Variants in AP3B1 observed in about 807,000 individuals in gnomAD.
AP3B1 encodes the protein adaptor related protein complex 3 subunit beta 1.
In AP3B1, 61 loss-of-function variants were observed where a neutral mutation model predicts 132.5. The observed-to-expected ratio is 0.46, with a 90% CI of 0.37 to 0.57. The LOEUF (loss-of-function observed/expected upper bound fraction) is 0.57, where lower values mean the gene tolerates loss of function less well. Ranked by LOEUF, AP3B1 falls within the 20% of genes least tolerant of loss-of-function variation. AP3B1 has a pLI of 0.00. For missense variants in AP3B1, 1,120 were observed against 1,289.4 expected (o/e 0.87, Z 2.01); for synonymous variants, 388 against 438.3 (o/e 0.89, Z 1.43).
At chr5:78,116,860 T>C (rs1216777236) in intron 17 of AP3B1, among the ~76,000 whole-genome samples, 3 of 152,022 alleles carry the variant, frequency 2.0e-5, no homozygotes, top group Admixed American at 6.6e-5. Context: ...AAACACAGCA[T>C]CTAGAATGAT....
intron 6 of AP3B1, among the ~76,000 whole-genome samples, chr5:78,220,889 A>T (rs891450881): frequency 3.3e-5 from 5 of 152,064 alleles, no homozygotes; most frequent in African/African-American, 9.6e-5. Flanking sequence ...TTTACAAAAA[A>T]TTTTTTTTAA....
At chr5:78,022,055 TAAAA>T (rs1561358125) in intron 24 of AP3B1, among the ~76,000 whole-genome samples, 1 of 152,106 alleles carries the variant, frequency 6.6e-6, no homozygotes, top group African/African-American at 2.4e-5. Context: ...TGACATAATA[TAAAA>T]AAAGAACATA....
chr5:78,107,148 G>A (rs1751374450), intron 20 of AP3B1, among the ~76,000 whole-genome samples: 1 of 152,170 alleles, frequency 6.6e-6, no homozygotes, highest in Admixed American at 6.5e-5. Context: ...TTGGGTGTCA[G>A]AGGCGTGTAA....
chr5:78,191,366 A>ACCC (rs925577324), intron 7 of AP3B1, among the ~76,000 whole-genome samples: 50 of 151,012 alleles, frequency 3.3e-4, no homozygotes, highest in Middle Eastern at 3.4e-3. Flanking sequence ...AAAAAAAAAA[A>ACCC]AAAAAAAAAA....
At chr5:78,092,661 A>C (rs1750577950) in intron 21 of AP3B1, among the ~76,000 whole-genome samples, 1 of 152,164 alleles carries the variant, frequency 6.6e-6, no homozygotes, top group Admixed American at 6.5e-5. Flanking sequence ...AATTTTATTT[A>C]CTTATTTTTG....
At chr5:78,232,246 G>A (rs985309964) in intron 3 of AP3B1, among the ~76,000 whole-genome samples, 4 of 152,178 alleles carry the variant, frequency 2.6e-5, no homozygotes, top group Non-Finnish European at 1.5e-5. Flanking sequence ...ATTCCTCGGA[G>A]AGACAGGTTT....
At chr5:78,124,832 C>T (rs1363235) in intron 17 of AP3B1, among the ~76,000 whole-genome samples, 1 of 151,930 alleles carries the variant, frequency 6.6e-6, no homozygotes, top group Non-Finnish European at 1.5e-5. Context: ...TCTGATAAAA[C>T]GTTTGTTGGA....
intron 13 of AP3B1, among the ~76,000 whole-genome samples, chr5:78,160,042 G>A (rs1743324425): frequency 1.3e-5 from 2 of 152,270 alleles, no homozygotes; most frequent in South Asian, 4.1e-4. Context: ...TACATAGGTG[G>A]TATAGTCCTA....
intron 3 of AP3B1, among the ~76,000 whole-genome samples, chr5:78,230,405 T>C (rs1432835717): frequency 7.4e-6 from 1 of 134,776 alleles, no homozygotes; most frequent in African/African-American, 2.7e-5. Context: ...CATTTTAAGT[T>C]GATATCAATC....
At chr5:78,011,441 T>C (rs771886362) in intron 26 of AP3B1, among the ~76,000 whole-genome samples, 8 of 152,222 alleles carry the variant, frequency 5.3e-5, no homozygotes, top group Admixed American at 2.0e-4. Flanking sequence ...CTCTCAATAG[T>C]ATACTGTTTG....
intron 21 of AP3B1, among the ~76,000 whole-genome samples, chr5:78,096,598 A>G (rs1311936742): frequency 1.5e-5 from 2 of 136,524 alleles, no homozygotes; most frequent in Non-Finnish European, 3.1e-5. Context: ...ATCGTCTGAG[A>G]TGTGGGGAGC....
intron 1 of AP3B1, among the ~76,000 whole-genome samples, chr5:78,292,458 A>T (rs1749565476): frequency 6.6e-6 from 1 of 152,190 alleles, no homozygotes. Context: ...TCAAGTAGTA[A>T]GTAGCACATC....
At chr5:78,027,465 G>T (rs1315179033) in intron 24 of AP3B1, among the ~76,000 whole-genome samples, 1 of 151,770 alleles carries the variant, frequency 6.6e-6, no homozygotes, top group Admixed American at 6.6e-5. Flanking sequence ...TGGCTTTAAG[G>T]AATATTTTTA....
At chr5:78,192,695 T>G (rs920861567) in intron 7 of AP3B1, among the ~76,000 whole-genome samples, 1 of 152,186 alleles carries the variant, frequency 6.6e-6, no homozygotes, top group Middle Eastern at 3.4e-3. Flanking sequence ...GGTATTAGGA[T>G]AGGAGATGGG....
At chr5:78,270,092 A>G (rs534287548) in intron 1 of AP3B1, among the ~76,000 whole-genome samples, 29 of 152,120 alleles carry the variant, frequency 1.9e-4, no homozygotes, top group African/African-American at 7.0e-4. Context: ...TTGTATTTTA[A>G]GTAGAGATGG....
chr5:78,228,829 T>C (rs1221550696), intron 3 of AP3B1, among the ~76,000 whole-genome samples: 1 of 152,264 alleles, frequency 6.6e-6, no homozygotes, highest in African/African-American at 2.4e-5. Context: ...ACGCATTACA[T>C]GATATTTTCA....
intron 15 of AP3B1, among the ~76,000 whole-genome samples, chr5:78,137,999 C>G (rs762624296): frequency 1.8e-4 from 27 of 151,760 alleles, no homozygotes; most frequent in Non-Finnish European, 2.8e-4. Context: ...AGCTACTCAT[C>G]ACTGTAATCG....
intron 21 of AP3B1, among the ~76,000 whole-genome samples, chr5:78,097,986 A>G (rs1750952841): frequency 6.6e-6 from 1 of 152,044 alleles, no homozygotes; most frequent in Non-Finnish European, 1.5e-5. Flanking sequence ...TTACCCCCCA[A>G]CCCTGTGCTC....
chr5:78,181,386 T>C, intron 8 of AP3B1, 121 bp downstream of exon 8: 3 of 897,872 alleles, frequency 3.3e-6, no homozygotes. Context: ...TACATGTCAT[T>C]TGGTGTGTAA....
Sources: allele counts gnomAD v4.1 joint callset (sites outside exome capture counted in the v4.1 genomes callset), GRCh38; gene constraint gnomAD v4.1.1; transcripts MANE v1.5; gene names NCBI Gene and HGNC (gene_info 2026-07-23, HGNC 2026-07-21).